MYO1C: variants seen among roughly 807,000 people sequenced by gnomAD.
MYO1C encodes unconventional myosin-Ic.
In MYO1C, 104 loss-of-function variants were observed where a neutral mutation model predicts 150.8. The observed-to-expected ratio is 0.69, with a 90% CI of 0.59 to 0.81. The LOEUF (loss-of-function observed/expected upper bound fraction) is 0.81. Among genes scored for constraint, MYO1C ranks in the 30% least tolerant of loss-of-function variants. The pLI is 0.00. For synonymous variants in MYO1C, 663 were observed against 579.9 expected, an observed-to-expected ratio of 1.14 and a Z score of -2.06; for missense variants, 1,504 against 1,435.0, an observed-to-expected ratio of 1.05 and a Z score of -0.78.
Position 1,476,134 on chromosome 17 carries a change from G to T in MYO1C, c.1575-1102C>A, listed in dbSNP as rs143633817. Among the ~76,000 whole-genome samples, 4 of 152,144 alleles carry T rather than the reference G, an allele frequency of 2.6e-5. No individual in the cohort carries two copies. The East Asian group carries it at 7.7e-4, about 29-fold the overall frequency. ...TTAGTATTTATTATTTAATGAATCAGGCAGCCCCTAAACCCGAATAGATTC... is the reference window on the plus strand; with the variant it reads ...TTAGTATTTATTATTTAATGAATCATGCAGCCCCTAAACCCGAATAGATTC... On this transcript the variant is annotated intron_variant, in intron 14 of 31. Coordinates refer to ENST00000648651, the MANE Select transcript of MYO1C (RefSeq NM_001080779.2).
intron 1 of MYO1C, 26 bp from the exon 2 acceptor site, chr17:1,484,329 G>C: frequency 1.2e-6 from 2 of 1,606,084 alleles, no homozygotes; most frequent in Admixed American, 3.3e-5. Context: ...CACAGAAGAG[G>C]GTCAGAGTCA....
chr17:1,481,287 A>C (rs540405711), intron 5 of MYO1C: 11 of 258,822 alleles, frequency 4.3e-5, no homozygotes, highest in Non-Finnish European at 7.6e-5. Flanking sequence ...CAAACCCTAC[A>C]TCCAATCAGG....
At position 1,477,487 on chromosome 17, in the gene MYO1C, C is replaced by T. The variant is rs774928275; in HGVS notation, c.1574+18G>A. Reference sequence around the variant, plus strand: ...GCAAGTGAGCCCTTGCCCCCAGCAGCCCCGCAGCCCCACTCACGTCAGGAA... The same window carrying T: ...GCAAGTGAGCCCTTGCCCCCAGCAGTCCCGCAGCCCCACTCACGTCAGGAA... On this transcript the variant is annotated intron_variant, in intron 14 of 31. Transcript: ENST00000648651. 1 of 1,611,378 alleles carries T rather than the reference C, an allele frequency of 6.2e-7. No homozygotes were observed. The highest frequency in any genetic ancestry group is 1.3e-5 in the African/African-American group (1 of 74,886).
chr17:1,471,218 C>T lies in MYO1C; in HGVS notation c.2135+5G>A. The stretch of plus-strand genomic sequence containing the variant: ...CCGCAGGCACCCGGCACGGACACTA[C>T]CCACCTGCCCATCTTGTACTCTTCT... On this transcript the variant is annotated splice_donor_5th_base_variant and intron_variant, in intron 20 of 31. Coordinates refer to ENST00000648651, the MANE Select transcript of MYO1C (RefSeq NM_001080779.2). 6.2e-7 allele frequency: 1 copy of T among 1,613,918 alleles called. No homozygotes were observed. Among genetic ancestry groups the T allele is most frequent in the South Asian group, 1.1e-5 (1 of 91,082 alleles).
At chr17:1,465,810 C>G (rs1413282831) in intron 31 of MYO1C, 58 bp from the exon 32 acceptor site, 1 of 1,233,928 alleles carries the variant, frequency 8.1e-7, no homozygotes, top group African/African-American at 1.5e-5. Flanking sequence ...GGCCCCGGTA[C>G]TCAGACTTTT....
Position 1,474,975 on chromosome 17 carries a change from A to G in MYO1C, c.1632T>C (p.Leu544=). ...AGGTCACCTCCCCCGCATAGTGCAG[A>G]AGGCGGAATTCCCCTCGGCCCAGAG... ...RKSLGRGEFR[L]LHYAGEVTYS... is the part of the protein sequence containing the mutation. Residue 544 remains leucine (L), a synonymous_variant, in exon 15 of 32, where the codon CTT becomes CTC. Transcript: ENST00000648651. 1 of 1,567,226 alleles carries G rather than the reference A, an allele frequency of 6.4e-7. No individual in the cohort carries two copies. The highest frequency in any genetic ancestry group is 1.2e-5 in the South Asian group (1 of 86,272).
intron 31 of MYO1C, 37 bp from the exon 32 acceptor site, chr17:1,465,789 G>C (rs201655186): frequency 7.6e-7 from 1 of 1,313,108 alleles, no homozygotes; most frequent in African/African-American, 1.5e-5. Context: ...GTGGTGAGGG[G>C]AGCAGACGGG....
At chr17:1,466,126 T>TG (rs2074165202) in intron 31 of MYO1C, among the ~76,000 whole-genome samples, 1 of 151,298 alleles carries the variant, frequency 6.6e-6, no homozygotes, top group Non-Finnish European at 1.5e-5. Context: ...AATCAGCCTA[T>TG]GTATCTTCCC....
chr17:1,483,001 C>T lies in MYO1C; in HGVS notation c.406G>A (p.Val136Met), dbSNP rs1168608205. The change falls in exon 4 of 32, where the codon GTG becomes ATG. Residue 136 changes from valine to methionine, a missense_variant. Val to Met is a conservative substitution (Grantham distance 21). Transcript: ENST00000648651. ...GCCCCGCTCTCCCCAGAGATCATCACAGCCTGGTCCCGACGCTCCGTGCGC... is the reference window on the plus strand; with the variant it reads ...GCCCCGCTCTCCCCAGAGATCATCATAGCCTGGTCCCGACGCTCCGTGCGC... ...ALRTERRDQA[V>M]MISGESGAGK... is the part of the protein sequence containing the mutation. The T allele has an allele frequency of 2.5e-6, 4 of 1,612,402 alleles. No homozygotes were observed. In the East Asian group the frequency reaches 6.7e-5, roughly 27 times the overall value.
At position 1,492,537 on chromosome 17, in the gene MYO1C, A is replaced by C. The variant is rs753728955; in HGVS notation, c.-50T>G. 6.5e-7 allele frequency: 1 copy of C among 1,542,432 alleles called. No individual in the cohort carries two copies. The highest frequency in any genetic ancestry group is 8.8e-7 in the Non-Finnish European group (1 of 1,136,336). On this transcript the variant is annotated 5_prime_UTR_variant, in exon 1 of 32. Coordinates refer to ENST00000648651, the MANE Select transcript of MYO1C (RefSeq NM_001080779.2). ...CTGGGCACCGCGGCCTGTGAGCAAG[A>C]GCTGCCTGCCCACTGGCGGGCTCCG...
intron 1 of MYO1C, chr17:1,492,128 C>G: frequency 4.2e-6 from 2 of 471,690 alleles, no homozygotes; most frequent in Admixed American, 6.8e-5. Flanking sequence ...CTCACAGCAG[C>G]CGGCACTTGC....
chr17:1,474,782 C>CCCCCCCCCG, intron 16 of MYO1C, 30 bp downstream of exon 16: 1 of 1,603,976 alleles, frequency 6.2e-7, no homozygotes, highest in Non-Finnish European at 8.5e-7. Context: ...TATCCCCACC[C>CCCCCCCCCG]CCACCCCGGC....
chr17:1,468,532 TGGGGA>T, intron 25 of MYO1C, 36 bp from the exon 26 acceptor site: 2 of 1,544,194 alleles, frequency 1.3e-6, no homozygotes, highest in Non-Finnish European at 1.8e-6. Flanking sequence ...AGTGTCATGG[TGGGGA>T]GCACCATCTT....
chr17:1,490,014 T>C (rs2074710450), intron 1 of MYO1C, among the ~76,000 whole-genome samples: 1 of 134,914 alleles, frequency 7.4e-6, no homozygotes, highest in South Asian at 2.3e-4. Context: ...CACTCCAGAC[T>C]GAGTGACAGA....
Position 1,468,292 on chromosome 17 carries a change from G to A in MYO1C, c.2721C>T (p.Ser907=), listed in dbSNP as rs762303913. Residue 907 remains serine, a synonymous_variant, in exon 27 of 32, where the codon AGC becomes AGT. Coordinates refer to ENST00000648651, the MANE Select transcript of MYO1C (RefSeq NM_001080779.2). ...ISTRLGTDEI[S]PRVLQALGSE... ...AGCCCAAGGCCTGCAGCACTCGGGG[G>A]CTGATCTCATCTGTACCTGCAACTC... is the stretch of plus-strand genomic sequence containing the variant. 8 of 1,613,840 alleles carry A rather than the reference G, an allele frequency of 5.0e-6. No individual in the cohort carries two copies. Among genetic ancestry groups the A allele is most frequent in the South Asian group, 4.4e-5 (4 of 91,078 alleles).
In MYO1C at chr17:1,474,664, A is replaced by G. The variant is rs1357141741; in HGVS notation, c.1743T>C (p.Ile581=). ...KETMCSSKNP[I]MSQCFDRSEL... is the part of the protein sequence containing the mutation. ...CGCTCCGGTCAAAGCACTGGCTCAT[A>G]ATGGGATTCTTTGAGCTACACATGG... Residue 581 remains isoleucine (I), a synonymous_variant, in exon 17 of 32, where the codon ATT becomes ATC. Coordinates refer to ENST00000648651, the MANE Select transcript of MYO1C (RefSeq NM_001080779.2). 1.9e-6 allele frequency: 3 copies of G among 1,613,840 alleles called. No homozygotes were observed. The highest frequency in any genetic ancestry group is 2.5e-6 in the Non-Finnish European group (3 of 1,179,946).
chr17:1,475,652 C>T (rs974300464), intron 14 of MYO1C, among the ~76,000 whole-genome samples: 5 of 152,254 alleles, frequency 3.3e-5, no homozygotes, highest in African/African-American at 1.2e-4. Context: ...ATGGAATCTG[C>T]TGCCCCAAGA....
rs1230554218 is a variant in MYO1C at position 1,477,884 on chromosome 17, G to A, written c.1482+7C>T. On this transcript the variant is annotated splice_region_variant and intron_variant, in intron 13 of 31. Coordinates refer to ENST00000648651, the MANE Select transcript of MYO1C (RefSeq NM_001080779.2). ...AGCACCAGGCCTTGGAGGCGCAGAG[G>A]ACTCACCAAAATCGAGATGATGCCC... 2 of 1,612,686 alleles carry A rather than the reference G, an allele frequency of 1.2e-6. No individual in the cohort carries two copies. Among genetic ancestry groups the A allele is most frequent in the East Asian group, 2.2e-5 (1 of 44,880 alleles).
intron 1 of MYO1C, among the ~76,000 whole-genome samples, chr17:1,491,449 C>CG (rs1555524117): frequency 3.3e-5 from 2 of 60,972 alleles, no homozygotes; most frequent in African/African-American, 5.8e-5. Context: ...GTCGTGGGAC[C>CG]CCCCCCCCCC....
Sources: gnomAD v4.1 joint callset for allele counts (sites outside exome capture counted in the v4.1 genomes callset) on GRCh38, gnomAD v4.1.1 for gene constraint, MANE v1.5 for transcripts, NCBI Gene and HGNC (gene_info 2026-07-23, HGNC 2026-07-21) for gene names.